Variants in APOL1 observed in about 807,000 individuals in gnomAD.
APOL1 encodes the protein apolipoprotein L 1.
In APOL1, 17 loss-of-function variants were observed where a neutral mutation model predicts 14.9. The ratio of observed to expected loss-of-function variants is 1.14; its 90% CI spans 0.78 to 1.71. The LOEUF (loss-of-function observed/expected upper bound fraction) is 1.71, where lower values mean the gene tolerates loss of function less well. APOL1 is among the 40% of genes most tolerant of loss of function. The pLI is 0.00. For missense variants in APOL1, 523 were observed against 485.9 expected (o/e 1.08, Z -0.72); for synonymous variants, 195 against 184.8 (o/e 1.05, Z -0.45).
chr22:36,253,545 A>C (rs2015759032), intron 1 of APOL1, among the ~76,000 whole-genome samples: 1 of 152,214 alleles, frequency 6.6e-6, no homozygotes, highest in Non-Finnish European at 1.5e-5. Context: ...AAGAAGGTGG[A>C]GGAGAGGAGG....
At chr22:36,259,571 A>G (rs2146302511) in intron 4 of APOL1, 2 of 1,213,598 alleles carry the variant, frequency 1.6e-6, no homozygotes, top group Non-Finnish European at 2.1e-6. Context: ...AGAAGCCGAG[A>G]GCACTCAGCC....
intron 5 of APOL1, among the ~76,000 whole-genome samples, chr22:36,263,418 T>G (rs1000211287): frequency 6.6e-6 from 1 of 152,240 alleles, no homozygotes; most frequent in Admixed American, 6.5e-5. Context: ...TGACACCACC[T>G]GCAAATTTAA....
chr22:36,254,203 A>T (rs1297609751), intron 1 of APOL1, among the ~76,000 whole-genome samples: 1 of 152,134 alleles, frequency 6.6e-6, no homozygotes, highest in East Asian at 1.9e-4. Flanking sequence ...CCTGTAAAAA[A>T]CCTGATAGAG....
chr22:36,265,791 G>A lies in APOL1; in HGVS notation c.955G>A (p.Glu319Lys), dbSNP rs2016234310. ...CTCAGCTGAAAGCGGTGAACAGGTGGAGAGGGTTAATGAACCCAGCATCCT... is the reference window on the plus strand; with the variant it reads ...CTCAGCTGAAAGCGGTGAACAGGTGAAGAGGGTTAATGAACCCAGCATCCT... ...PISAESGEQV[E>K]RVNEPSILEM... Residue 319 changes from glutamate to lysine, a missense_variant, in exon 6 of 6, where the codon GAG (glutamate) becomes AAG (lysine). Coordinates refer to ENST00000397278, the MANE Select transcript of APOL1 (RefSeq NM_003661.4). 2 of 1,614,202 alleles carry A rather than the reference G, an allele frequency of 1.2e-6. No homozygotes were observed. Among genetic ancestry groups the A allele is most frequent in the East Asian group, 2.2e-5 (1 of 44,880 alleles).
chr22:36,259,574 A>T (rs995815866), intron 4 of APOL1: 11 of 1,217,382 alleles, frequency 9.0e-6, no homozygotes, highest in Middle Eastern at 3.6e-4. Flanking sequence ...AGCCGAGAGC[A>T]CTCAGCCGAC....
At chr22:36,255,142 C>A in intron 2 of APOL1, 143 bp downstream of exon 2, 1 of 1,058,124 alleles carries the variant, frequency 9.5e-7, no homozygotes, top group South Asian at 1.3e-5. Flanking sequence ...AACCGGCAGA[C>A]TCGCCCAGGG....
At chr22:36,256,899 T>G (rs2015898910) in intron 2 of APOL1, among the ~76,000 whole-genome samples, 184 bp from the exon 3 acceptor site, 1 of 152,154 alleles carries the variant, frequency 6.6e-6, no homozygotes, top group South Asian at 2.1e-4. Flanking sequence ...TGTAAGAGGC[T>G]CTGCACATCG....
At chr22:36,258,867 G>C (rs2015983126) in intron 4 of APOL1, among the ~76,000 whole-genome samples, 1 of 152,158 alleles carries the variant, frequency 6.6e-6, no homozygotes, top group Admixed American at 6.5e-5. Flanking sequence ...GGGTATGATT[G>C]AGTGTGAGGC....
intron 4 of APOL1, among the ~76,000 whole-genome samples, chr22:36,258,131 C>A (rs1321457435): frequency 6.6e-6 from 1 of 152,168 alleles, no homozygotes; most frequent in Non-Finnish European, 1.5e-5. Flanking sequence ...CTGTTGATTC[C>A]AGGTGGAAGC....
chr22:36,257,678 T>C (rs2015930715), intron 4 of APOL1: 1 of 325,924 alleles, frequency 3.1e-6, no homozygotes, highest in African/African-American at 3.2e-5. Flanking sequence ...CAGGACATCC[T>C]TGGGGAAGTG....
Position 36,254,935 on chromosome 22 carries a change from AG to A in APOL1, c.-19del. Reference sequence around the variant, plus strand: ...GTCTCAACCCCTCTTTTCCTGCTCAAGGAGGAGGCCCTGCAGCGACATGGAG... The same window carrying A: ...GTCTCAACCCCTCTTTTCCTGCTCAAGAGGAGGCCCTGCAGCGACATGGAG... On this transcript the variant is annotated splice_acceptor_variant, in intron 1 of 5. Transcript: ENST00000397278. LOFTEE classifies it low-confidence loss of function (5UTR_SPLICE). 1 of 1,613,840 alleles carries A rather than the reference AG, an allele frequency of 6.2e-7. No homozygotes were observed. The highest frequency in any genetic ancestry group is 8.5e-7 in the Non-Finnish European group (1 of 1,179,812).
chr22:36,256,749 T>G (rs1185344237), intron 2 of APOL1, among the ~76,000 whole-genome samples: 2 of 152,150 alleles, frequency 1.3e-5, no homozygotes, highest in African/African-American at 4.8e-5. Context: ...ATTGAAAACA[T>G]GGGGTTGAAG....
chr22:36,257,342 G>C lies in APOL1; in HGVS notation c.122G>C (p.Gly41Ala). The C allele has an allele frequency of 6.2e-7, 1 of 1,614,148 alleles. No individual in the cohort carries two copies. The highest frequency in any genetic ancestry group is 8.5e-7 in the Non-Finnish European group (1 of 1,180,022). The change falls in exon 4 of 6, where the codon GGG (glycine) becomes GCG (alanine). Residue 41 changes from glycine (G) to alanine (A), a missense_variant. Gly to Ala is a moderately conservative substitution (Grantham distance 60, BLOSUM62 0). Coordinates refer to ENST00000397278, the MANE Select transcript of APOL1 (RefSeq NM_003661.4). ...AGGGTGCAACAAAACGTTCCAAGTG[G>C]GACAGATACTGGAGATCCTCAAAGT... The part of the protein sequence containing the change: ...GARVQQNVPS[G>A]TDTGDPQSKP...
intron 4 of APOL1, chr22:36,259,609 G>T (rs1349626615): frequency 4.0e-6 from 5 of 1,250,694 alleles, no homozygotes; most frequent in Non-Finnish European, 5.2e-6. Context: ...GAAGGGCTGG[G>T]CTGGGGGACT....
At chr22:36,259,659 T>C (rs2016013430) in intron 4 of APOL1, 1 of 1,285,750 alleles carries the variant, frequency 7.8e-7, no homozygotes, top group Admixed American at 2.4e-5. Flanking sequence ...GATCTGTGGT[T>C]TAATAACAGG....
At chr22:36,254,128 C>A in intron 1 of APOL1, 1 of 884,374 alleles carries the variant, frequency 1.1e-6, no homozygotes, top group Non-Finnish European at 1.8e-6. Flanking sequence ...TTGGCCTCCC[C>A]TCTGCCCTCC....
Position 36,265,705 on chromosome 22 carries a change from G to C in APOL1, c.869G>C (p.Arg290Thr). The change falls in exon 6 of 6, where the codon AGA becomes ACA. Residue 290 changes from arginine (R) to threonine (T), a missense_variant. By Grantham distance (71) the Arg-to-Thr change is moderately conservative. Transcript: ENST00000397278. ...GKDIRALRRA[R>T]ANLQSVPHAS... ...GACATCCGTGCCCTCAGACGAGCCA[G>C]AGCCAATCTTCAGTCAGTACCGCAT... 1 of 1,612,560 alleles carries C rather than the reference G, an allele frequency of 6.2e-7. No homozygotes were observed.
At position 36,265,509 on chromosome 22, in the gene APOL1, A is replaced by G; in HGVS notation, c.673A>G (p.Ser225Gly). Residue 225 changes from serine (S) to glycine (G), a missense_variant, in exon 6 of 6, where the codon AGC becomes GGC. By Grantham distance (56) the Ser-to-Gly change is moderately conservative (BLOSUM62 0). Transcript: ENST00000397278. ...GITAALTGIT[S>G]STMDYGKKWW... The stretch of plus-strand genomic sequence containing the variant: ...CACAGCCGCTTTGACCGGGATTACC[A>G]GCAGTACCATGGACTACGGAAAGAA... The G allele has an allele frequency of 6.2e-7, 1 of 1,613,882 alleles. No individual in the cohort carries two copies. The highest frequency in any genetic ancestry group is 8.5e-7 in the Non-Finnish European group (1 of 1,179,826).
In APOL1 at chr22:36,266,037, C is replaced by A; in HGVS notation, c.*4C>A. ...GCAGGCGGACCAAGAACTGTGACCACAGGGCAGGGCAGCCACCAGGAGAGA... is the reference window on the plus strand; with the variant it reads ...GCAGGCGGACCAAGAACTGTGACCAAAGGGCAGGGCAGCCACCAGGAGAGA... On this transcript the variant is annotated 3_prime_UTR_variant, in exon 6 of 6. Coordinates refer to ENST00000397278, the MANE Select transcript of APOL1 (RefSeq NM_003661.4). 1 of 1,591,600 alleles carries A rather than the reference C, an allele frequency of 6.3e-7. No individual in the cohort carries two copies. The highest frequency in any genetic ancestry group is 8.6e-7 in the Non-Finnish European group (1 of 1,168,808).
Sources: allele counts gnomAD v4.1 joint callset (sites outside exome capture counted in the v4.1 genomes callset), GRCh38; gene constraint gnomAD v4.1.1; transcripts MANE v1.5; gene names NCBI Gene and HGNC (gene_info 2026-07-23, HGNC 2026-07-21).